Variants in VAMP4 observed in about 807,000 individuals in gnomAD.
The protein encoded by VAMP4 is vesicle-associated membrane protein 4.
VAMP4 carries 19 observed loss-of-function variants against 23.5 expected under a neutral mutation model. That is an observed-to-expected ratio of 0.81 (90% confidence interval 0.56 to 1.19). The LOEUF (loss-of-function observed/expected upper bound fraction) is 1.19. VAMP4 is among the 50% of genes most tolerant of loss of function. The probability of loss-of-function intolerance (pLI) is 0.00; values close to 1 mark genes in which losing one functional copy is unlikely to be tolerated. For missense variants in VAMP4, 145 were observed against 168.6 expected (o/e 0.86, Z 0.78); for synonymous variants, 31 against 51.0 (o/e 0.61, Z 1.67).
At chr1:171,736,142 C>T (rs1310307312) in intron 2 of VAMP4, among the ~76,000 whole-genome samples, 1 of 152,166 alleles carries the variant, frequency 6.6e-6, no homozygotes, top group Non-Finnish European at 1.5e-5. Flanking sequence ...CCGCCTCGGC[C>T]TCCCAAAGTG....
At chr1:171,706,459 G>A in intron 6 of VAMP4, 41 bp from the exon 7 acceptor site, 1 of 1,546,072 alleles carries the variant, frequency 6.5e-7, no homozygotes, top group African/African-American at 1.4e-5. Flanking sequence ...TATTTGACTT[G>A]TTAATAAAGT....
chr1:171,724,861 T>C (rs982656960), intron 3 of VAMP4, among the ~76,000 whole-genome samples: 2 of 152,184 alleles, frequency 1.3e-5, no homozygotes, highest in Non-Finnish European at 2.9e-5. Context: ...TACTATGGTA[T>C]TGATGTAAGA....
intron 2 of VAMP4, among the ~76,000 whole-genome samples, chr1:171,735,517 A>G (rs961674834): frequency 1.2e-4 from 18 of 152,186 alleles, no homozygotes; most frequent in African/African-American, 4.3e-4. Context: ...TCCAGGACTG[A>G]GGTATTTACC....
intron 4 of VAMP4, among the ~76,000 whole-genome samples, chr1:171,715,838 G>A (rs558912996): frequency 6.9e-4 from 105 of 152,036 alleles, no homozygotes; most frequent in African/African-American, 2.2e-3. Flanking sequence ...GGGAAACCCC[G>A]TCTCTATAAG....
intron 2 of VAMP4, among the ~76,000 whole-genome samples, chr1:171,728,998 G>C (rs1026304035): frequency 6.6e-6 from 1 of 152,166 alleles, no homozygotes; most frequent in African/African-American, 2.4e-5. Context: ...TTGGAGCTGA[G>C]GACAAGGGCT....
chr1:171,706,283 T>G, intron 7 of VAMP4, 84 bp downstream of exon 7: 1 of 1,307,460 alleles, frequency 7.6e-7, no homozygotes, highest in South Asian at 1.3e-5. Flanking sequence ...TCAGACATAC[T>G]AGGTCAACTG....
chr1:171,710,161 A>G (rs1185531505), intron 5 of VAMP4, among the ~76,000 whole-genome samples: 1 of 151,950 alleles, frequency 6.6e-6, no homozygotes, highest in Non-Finnish European at 1.5e-5. Context: ...GGAAAACAAT[A>G]TACATTTTAA....
chr1:171,737,980 G>A (rs1469343489), intron 2 of VAMP4, among the ~76,000 whole-genome samples: 1 of 152,050 alleles, frequency 6.6e-6, no homozygotes, highest in African/African-American at 2.4e-5. Context: ...ATTATTATTA[G>A]TTAATTAATT....
chr1:171,721,983 C>T (rs1655208819), intron 3 of VAMP4, among the ~76,000 whole-genome samples: 1 of 152,194 alleles, frequency 6.6e-6, no homozygotes, highest in Non-Finnish European at 1.5e-5. Context: ...TTGGAGGCGT[C>T]ACGCTACCTG....
At chr1:171,723,307 G>A (rs1186354149) in intron 3 of VAMP4, among the ~76,000 whole-genome samples, 3 of 152,176 alleles carry the variant, frequency 2.0e-5, no homozygotes, top group African/African-American at 4.8e-5. Flanking sequence ...CAGGGTTTGA[G>A]AGCAGACAAC....
At chr1:171,711,463 T>C (rs901441963) in intron 4 of VAMP4, among the ~76,000 whole-genome samples, 5 of 151,918 alleles carry the variant, frequency 3.3e-5, no homozygotes, top group Non-Finnish European at 5.9e-5. Context: ...AAGGAAAAAA[T>C]TGTTTTCTGT....
chr1:171,724,803 A>G (rs1041165972), intron 3 of VAMP4, among the ~76,000 whole-genome samples: 1 of 152,148 alleles, frequency 6.6e-6, no homozygotes, highest in African/African-American at 2.4e-5. Flanking sequence ...GATATACACT[A>G]CACTACCTCA....
At chr1:171,720,382 T>C (rs928241850) in intron 3 of VAMP4, among the ~76,000 whole-genome samples, 3 of 152,022 alleles carry the variant, frequency 2.0e-5, no homozygotes, top group Admixed American at 6.6e-5. Context: ...GCAGGAGCTA[T>C]GTCTGTTTCA....
chr1:171,718,755 G>A (rs1229326048), intron 4 of VAMP4, among the ~76,000 whole-genome samples: 1 of 152,076 alleles, frequency 6.6e-6, no homozygotes, highest in Non-Finnish European at 1.5e-5. Flanking sequence ...TTCAGACTAT[G>A]CTAAATAAAT....
Position 171,704,203 on chromosome 1 carries a change from T to C in VAMP4, c.*303A>G. 1 of 198,100 alleles carries C rather than the reference T, an allele frequency of 5.0e-6. No individual in the cohort carries two copies. The highest frequency in any genetic ancestry group is 1.0e-5 in the Non-Finnish European group (1 of 97,768). 12.3% of individuals were successfully genotyped at this position (198,100 alleles called of 1,614,324 possible). ...ATTAAAATATTAATATGAAATATTA[T>C]AATCAGTGTTTATATACACAAATAA... is the stretch of plus-strand genomic sequence containing the variant. On this transcript the variant is annotated 3_prime_UTR_variant, in exon 8 of 8. Coordinates refer to ENST00000236192, the MANE Select transcript of VAMP4 (RefSeq NM_003762.5).
chr1:171,706,753 T>G (rs1459868539), intron 6 of VAMP4, among the ~76,000 whole-genome samples: 1 of 152,206 alleles, frequency 6.6e-6, no homozygotes, highest in Non-Finnish European at 1.5e-5. Context: ...CCTATGTTAT[T>G]CATCATATCT....
intron 3 of VAMP4, among the ~76,000 whole-genome samples, chr1:171,724,214 A>C (rs373837606): frequency 1.3e-5 from 2 of 151,876 alleles, no homozygotes; most frequent in African/African-American, 4.8e-5. Context: ...TGAGCAAACT[A>C]TCGCAAAGAC....
At chr1:171,730,178 A>G (rs1203234328) in intron 2 of VAMP4, among the ~76,000 whole-genome samples, 1 of 152,220 alleles carries the variant, frequency 6.6e-6, no homozygotes, top group African/African-American at 2.4e-5. Flanking sequence ...CCATAAGACA[A>G]TAAATTTGTG....
At chr1:171,709,830 T>C (rs1654791679) in intron 5 of VAMP4, 86 bp from the exon 6 acceptor site, 3 of 1,092,620 alleles carry the variant, frequency 2.7e-6, no homozygotes, top group Non-Finnish European at 2.8e-6. Flanking sequence ...AAAATATTAA[T>C]TTCTACTTCT....
Sources: gnomAD v4.1 joint callset for allele counts (sites outside exome capture counted in the v4.1 genomes callset) on GRCh38, gnomAD v4.1.1 for gene constraint, MANE v1.5 for transcripts, NCBI Gene and HGNC (gene_info 2026-07-23, HGNC 2026-07-21) for gene names.